BTBD9: variants seen among roughly 807,000 people sequenced by gnomAD.
BTBD9 encodes the protein BTB/POZ domain-containing protein 9.
A neutral mutation model predicts 64.3 loss-of-function variants in BTBD9; 49 were observed. The observed-to-expected ratio is 0.76, with a 90% confidence interval of 0.61 to 0.97. The LOEUF is 0.97. Among genes scored for constraint, BTBD9 ranks in the 50% least tolerant of loss-of-function variants. BTBD9 has a pLI of 0.00. For missense variants in BTBD9, 598 were observed against 762.1 expected, an observed-to-expected ratio of 0.78 and a Z score of 2.53; for synonymous variants, 260 against 274.7, an observed-to-expected ratio of 0.95 and a Z score of 0.53.
rs191729739 is a variant in BTBD9, at chr6:38,422,620, C to A, written c.1155-77527G>T. On this transcript the variant is annotated intron_variant, in intron 6 of 10. Coordinates refer to ENST00000481247, the MANE Select transcript of BTBD9 (RefSeq NM_001099272.2). ...ATGTAGAATAGGGATCCCTGTAGAA[C>A]AGGGATCTAACATTCTAAGACTATA... 2.5e-3 allele frequency among the ~76,000 whole-genome samples: 375 copies of A among 152,116 alleles called. 2 individuals are homozygous for A. Among genetic ancestry groups the A allele is most frequent in the Middle Eastern group, 0.017 (5 of 294 alleles).
At chr6:38,396,875 A>G (rs1766696678) in intron 6 of BTBD9, among the ~76,000 whole-genome samples, 1 of 148,494 alleles carries the variant, frequency 6.7e-6, no homozygotes, top group African/African-American at 2.5e-5. Context: ...TATTAATTTC[A>G]CTTGATTCTT....
intron 1 of BTBD9, among the ~76,000 whole-genome samples, chr6:38,608,044 T>C (rs1360169430): frequency 6.6e-6 from 1 of 152,194 alleles, no homozygotes; most frequent in Non-Finnish European, 1.5e-5. Flanking sequence ...CAGATTTTCA[T>C]AATCTAAGTT....
At chr6:38,618,211 G>A (rs192980830) in intron 1 of BTBD9, among the ~76,000 whole-genome samples, 50 of 152,272 alleles carry the variant, frequency 3.3e-4, no homozygotes, top group Middle Eastern at 3.4e-3. Flanking sequence ...AATTTGACCC[G>A]CAAAACCTGA....
intron 1 of BTBD9, among the ~76,000 whole-genome samples, chr6:38,608,839 GCT>G (rs1448094470): frequency 3.3e-5 from 5 of 152,088 alleles, no homozygotes; most frequent in Admixed American, 1.3e-4. Context: ...CTAGTATTTT[GCT>G]CTTTTTCCCC....
chr6:38,567,188 G>T (rs1397586683), intron 6 of BTBD9, among the ~76,000 whole-genome samples: 1 of 152,144 alleles, frequency 6.6e-6, no homozygotes, highest in Admixed American at 6.5e-5. Flanking sequence ...ATAACTGAAG[G>T]TTTAGCTTTC....
chr6:38,192,697 G>T, intron 9 of BTBD9, 100 bp from the exon 10 acceptor site: 1 of 1,032,522 alleles, frequency 9.7e-7, no homozygotes, highest in Non-Finnish European at 1.5e-6. Context: ...AGGGCTTCCT[G>T]TCCTCGGAGA....
chr6:38,174,399 A>G lies in BTBD9; in HGVS notation c.*586T>C, dbSNP rs1766910657. 6.6e-6 allele frequency: 1 copy of G among 152,508 alleles called. No individual in the cohort carries two copies. The highest frequency in any genetic ancestry group is 1.5e-5 in the Non-Finnish European group (1 of 68,276). 9.4% of individuals were successfully genotyped at this position (152,508 alleles called of 1,614,324 possible). The stretch of plus-strand genomic sequence containing the variant: ...GTCCCCGCAAGCTGAACCGTTCAAA[A>G]CCAAGGAAGGAAAATTATAGCATCA... On this transcript the variant is annotated 3_prime_UTR_variant, in exon 11 of 11. Coordinates refer to ENST00000481247, the MANE Select transcript of BTBD9 (RefSeq NM_001099272.2).
intron 1 of BTBD9, among the ~76,000 whole-genome samples, chr6:38,600,448 G>T (rs1292100135): frequency 2.0e-5 from 3 of 152,088 alleles, no homozygotes; most frequent in African/African-American, 2.4e-5. Context: ...TTCTTGCTGG[G>T]TTACCCAGTT....
intron 1 of BTBD9, among the ~76,000 whole-genome samples, chr6:38,614,298 T>G (rs1777718592): frequency 6.6e-6 from 1 of 152,176 alleles, no homozygotes; most frequent in South Asian, 2.1e-4. Flanking sequence ...ATGATTTTGT[T>G]ACGGACCTGT....
chr6:38,223,490 T>A (rs746993667), intron 9 of BTBD9, among the ~76,000 whole-genome samples: 3 of 152,048 alleles, frequency 2.0e-5, no homozygotes, highest in African/African-American at 4.8e-5. Context: ...CGAGCCACCA[T>A]GTCTGGGTAA....
At chr6:38,496,884 TA>T (rs1165528621) in intron 6 of BTBD9, among the ~76,000 whole-genome samples, 1 of 152,138 alleles carries the variant, frequency 6.6e-6, no homozygotes, top group Non-Finnish European at 1.5e-5. Flanking sequence ...CGTTAGTGTC[TA>T]AAACAATGCC....
intron 6 of BTBD9, among the ~76,000 whole-genome samples, chr6:38,387,217 A>G (rs1191620397): frequency 6.6e-6 from 1 of 152,194 alleles, no homozygotes; most frequent in Non-Finnish European, 1.5e-5. Context: ...TGTTACAGGG[A>G]GAGACTATAG....
rs7746501 is a variant in BTBD9 at position 38,386,466 on chromosome 6, C to T, written c.1155-41373G>A. On this transcript the variant is annotated intron_variant, in intron 6 of 10. Transcript: ENST00000481247. ...GACTTCAGTTGAAAGTGAATGTCTA[C>T]TGTCACAAATGTGCAATATAGCGCT... 6.3e-3 allele frequency among the ~76,000 whole-genome samples: 956 copies of T among 152,222 alleles called. 11 individuals are homozygous for T. Among genetic ancestry groups the T allele is most frequent in the African/African-American group, 0.019 (798 of 41,524 alleles).
At chr6:38,418,833 T>C (rs1297400426) in intron 6 of BTBD9, among the ~76,000 whole-genome samples, 2 of 152,164 alleles carry the variant, frequency 1.3e-5, no homozygotes, top group South Asian at 2.1e-4. Flanking sequence ...ATAGCAACTG[T>C]GCACAGTGGC....
chr6:38,176,711 T>C (rs1761270916), intron 10 of BTBD9, among the ~76,000 whole-genome samples: 1 of 152,112 alleles, frequency 6.6e-6, no homozygotes, highest in African/African-American at 2.4e-5. Context: ...CCATCAGCTC[T>C]GCCCTGGGCT....
intron 9 of BTBD9, among the ~76,000 whole-genome samples, chr6:38,255,018 T>C (rs1213698985): frequency 6.6e-6 from 1 of 152,188 alleles, no homozygotes; most frequent in Non-Finnish European, 1.5e-5. Context: ...CTCAAATGTC[T>C]ATCAACTGAA....
chr6:38,424,835 T>TTCA lies in BTBD9; in HGVS notation c.1155-79743_1155-79742insTGA, dbSNP rs1768074472. Among the ~76,000 whole-genome samples the TTCA allele has an allele frequency of 2.6e-5, 4 of 150,944 alleles. No homozygotes were observed. The South Asian group carries it at 8.4e-4, about 32-fold the overall frequency. Reference sequence around the variant, plus strand: ...CCCAGCCTATTTATCTTATTTTATTTTTATTATTATTATTATTATTTGAGA... The same window carrying TTCA: ...CCCAGCCTATTTATCTTATTTTATTTTCATTATTATTATTATTATTATTTGAGA... On this transcript the variant is annotated intron_variant, in intron 6 of 10. Transcript: ENST00000481247.
intron 6 of BTBD9, among the ~76,000 whole-genome samples, chr6:38,442,559 G>C (rs940047831): frequency 5.3e-5 from 8 of 151,382 alleles, no homozygotes; most frequent in African/African-American, 1.2e-4. Flanking sequence ...AAGTTAATAT[G>C]ATGACCCCAG....
At chr6:38,311,897 T>C (rs1762850594) in intron 7 of BTBD9, among the ~76,000 whole-genome samples, 2 of 152,102 alleles carry the variant, frequency 1.3e-5, no homozygotes, top group South Asian at 4.1e-4. Context: ...AGTCTTACTC[T>C]GTCGCCCAGG....
Sources: allele counts gnomAD v4.1 joint callset (sites outside exome capture counted in the v4.1 genomes callset), GRCh38; gene constraint gnomAD v4.1.1; transcripts MANE v1.5; gene names NCBI Gene and HGNC (gene_info 2026-07-23, HGNC 2026-07-21).